GRHL2: variants seen among roughly 807,000 people sequenced by gnomAD.
GRHL2 encodes grainyhead-like protein 2 homolog.
In GRHL2, 21 loss-of-function variants were observed where a neutral mutation model predicts 83.8. The ratio of observed to expected loss-of-function variants is 0.25; its 90% CI spans 0.18 to 0.36. The LOEUF (loss-of-function observed/expected upper bound fraction) is 0.36, where lower values mean the gene tolerates loss of function less well. Ranked by LOEUF, GRHL2 falls within the 10% of genes least tolerant of loss-of-function variation. The pLI, the probability that GRHL2 is intolerant of heterozygous loss-of-function variation, is 1.00. For missense variants in GRHL2, 623 were observed against 781.8 expected (o/e 0.80, Z 2.42); for synonymous variants, 280 against 278.9 (o/e 1.00, Z -0.04).
the GRHL2 span, among the ~76,000 whole-genome samples, chr8:101,676,093 A>T: frequency 6.6e-6 from 1 of 151,288 alleles, no homozygotes; most frequent in East Asian, 1.9e-4. Context: ...GTTAGACCTA[A>T]AACCATAAAA....
At chr8:101,621,094 G>C (rs1812956074) in intron 9 of GRHL2, among the ~76,000 whole-genome samples, 1 of 152,146 alleles carries the variant, frequency 6.6e-6, no homozygotes, top group South Asian at 2.1e-4. Flanking sequence ...ACACCAGATG[G>C]GCATCCTGGG....
intron 7 of GRHL2, among the ~76,000 whole-genome samples, chr8:101,585,443 G>A (rs1369682619): frequency 6.6e-6 from 1 of 152,184 alleles, no homozygotes; most frequent in African/African-American, 2.4e-5. Flanking sequence ...CCAAGGGCTG[G>A]TGAGAATTAA....
intron 5 of GRHL2, among the ~76,000 whole-genome samples, chr8:101,572,291 T>C (rs563183473): frequency 2.0e-5 from 3 of 152,204 alleles, no homozygotes; most frequent in Admixed American, 6.5e-5. Context: ...AAAATGACAA[T>C]GGAATCAGTT....
chr8:101,618,254 C>T (rs1318774880), intron 8 of GRHL2, among the ~76,000 whole-genome samples: 1 of 152,128 alleles, frequency 6.6e-6, no homozygotes, highest in African/African-American at 2.4e-5. Flanking sequence ...TTACACTCCT[C>T]CCTCTCTTCT....
chr8:101,584,653 C>T (rs1382741417), intron 7 of GRHL2, among the ~76,000 whole-genome samples: 1 of 152,218 alleles, frequency 6.6e-6, no homozygotes, highest in East Asian at 1.9e-4. Flanking sequence ...ATGAGCCCTA[C>T]AAGCATGCTT....
intron 3 of GRHL2, among the ~76,000 whole-genome samples, chr8:101,555,210 C>G (rs1811466936): frequency 6.6e-6 from 1 of 152,266 alleles, no homozygotes; most frequent in South Asian, 2.1e-4. Context: ...TGTGCAAAGC[C>G]TGGGGTGGAA....
chr8:101,632,587 C>G (rs777816194), intron 11 of GRHL2, among the ~76,000 whole-genome samples: 38 of 152,134 alleles, frequency 2.5e-4, no homozygotes, highest in African/African-American at 8.7e-4. Flanking sequence ...ATTAGTGAAG[C>G]CTTGACAAAG....
intron 1 of GRHL2, among the ~76,000 whole-genome samples, chr8:101,538,349 C>T (rs1469393080): frequency 6.6e-6 from 1 of 152,052 alleles, no homozygotes; most frequent in East Asian, 1.9e-4. Context: ...GCTGCATGGT[C>T]CCTTTCATCA....
In GRHL2 at chr8:101,601,211, ACC is replaced by A. The variant is rs199927254; in HGVS notation, c.1098+2061_1098+2062del. Among the ~76,000 whole-genome samples the A allele has an allele frequency of 3.9e-3, 589 of 151,730 alleles. 9 individuals carry two copies. The highest frequency in any genetic ancestry group is 0.02 in the East Asian group (103 of 5,156). On this transcript the variant is annotated intron_variant, in intron 8 of 15. Coordinates refer to ENST00000646743, the MANE Select transcript of GRHL2 (RefSeq NM_024915.4). ...ACACCCCACCACCACCACCACCACC[ACC>A]ACCAACAACAACAACAAAACAAATG...
chr8:101,601,805 A>G (rs1252063305), intron 8 of GRHL2, among the ~76,000 whole-genome samples: 1 of 152,182 alleles, frequency 6.6e-6, no homozygotes, highest in African/African-American at 2.4e-5. Flanking sequence ...TTAATGTTTT[A>G]TTTTACTTTA....
chr8:101,561,140 A>G (rs1811600368), intron 4 of GRHL2, among the ~76,000 whole-genome samples: 1 of 149,786 alleles, frequency 6.7e-6, no homozygotes, highest in Non-Finnish European at 1.5e-5. Flanking sequence ...TAGGTTTCTG[A>G]TTCATTTCGA....
intron 8 of GRHL2, among the ~76,000 whole-genome samples, chr8:101,605,885 TTCATTTCCCCCA>T (rs1812623183): frequency 6.6e-6 from 1 of 152,242 alleles, no homozygotes; most frequent in African/African-American, 2.4e-5. Flanking sequence ...ACATCTATTC[TTCATTTCCCCCA>T]TCTCTCTCTA....
intron 1 of GRHL2, among the ~76,000 whole-genome samples, chr8:101,540,683 T>A (rs1328036958): frequency 1.3e-5 from 2 of 152,140 alleles, no homozygotes; most frequent in Non-Finnish European, 2.9e-5. Flanking sequence ...CTTGACACAC[T>A]TTTCATTGTG....
intron 8 of GRHL2, among the ~76,000 whole-genome samples, chr8:101,610,883 A>G (rs545451885): frequency 1.3e-5 from 2 of 151,078 alleles, no homozygotes; most frequent in South Asian, 2.1e-4. Context: ...CAGAAAGCCA[A>G]CATAACCGAG....
At chr8:101,608,324 A>G (rs1386577491) in intron 8 of GRHL2, among the ~76,000 whole-genome samples, 1 of 152,174 alleles carries the variant, frequency 6.6e-6, no homozygotes, top group African/African-American at 2.4e-5. Flanking sequence ...TTTGTTTTGG[A>G]AAGACCTAGT....
At chr8:101,672,463 G>GATGAAATGA (rs1814226467), downstream of GRHL2, among the ~76,000 whole-genome samples, 4 of 151,828 alleles carry the variant, frequency 2.6e-5, no homozygotes, top group South Asian at 8.4e-4. Context: ...AGCAATGGAA[G>GATGAAATGA]ATGAAATGAA....
At chr8:101,502,700 A>G (rs2129975585) in intron 1 of GRHL2, among the ~76,000 whole-genome samples, 1 of 152,030 alleles carries the variant, frequency 6.6e-6, no homozygotes, top group Admixed American at 6.5e-5. Flanking sequence ...TAGTAAGCTG[A>G]AAACCTTAAG....
At chr8:101,636,765 ACT>A (rs1491347289) in intron 11 of GRHL2, 130 bp from the exon 12 acceptor site, 5 of 752,014 alleles carry the variant, frequency 6.6e-6, no homozygotes, top group Non-Finnish European at 1.2e-5. Context: ...ACACACACAC[ACT>A]GTTATTAAAC....
chr8:101,652,345 GTGTGGTGTGTGTGGT>G (rs1251799377), intron 14 of GRHL2, among the ~76,000 whole-genome samples: 5 of 71,240 alleles, frequency 7.0e-5, no homozygotes, highest in Admixed American at 2.9e-4. Context: ...GTGTGTATGT[GTGTGGTGTGTGTGGT>G]GTGTGTGTGT....
Sources: allele counts gnomAD v4.1 joint callset (sites outside exome capture counted in the v4.1 genomes callset), GRCh38; gene constraint gnomAD v4.1.1; transcripts MANE v1.5; gene names NCBI Gene and HGNC (gene_info 2026-07-23, HGNC 2026-07-21).